The following MME variants were observed in gnomAD, a reference collection of about 807,000 sequenced individuals.
MME encodes the protein neprilysin.
Under a neutral mutation model 113.2 loss-of-function variants are expected in MME, and 98 were observed. The ratio of observed to expected loss-of-function variants is 0.87; its 90% CI spans 0.74 to 1.02. MME has a LOEUF of 1.02. Among genes scored for constraint, MME ranks in the 50% least tolerant of loss-of-function variants. The pLI is 0.00. For synonymous variants in MME, 292 were observed against 300.6 expected (o/e 0.97, Z 0.30); for missense variants, 836 against 896.0 (o/e 0.93, Z 0.86).
intron 10 of MME, among the ~76,000 whole-genome samples, chr3:155,140,604 ATGAGGTT>A (rs1019203200): frequency 1.6e-4 from 25 of 151,750 alleles, no homozygotes; most frequent in Non-Finnish European, 2.4e-4. Context: ...TTTAGTAGAG[ATGAGGTT>A]TGGCCAATCT....
intron 1 of MME, among the ~76,000 whole-genome samples, chr3:155,048,223 C>T (rs1713630611): frequency 3.9e-5 from 6 of 152,140 alleles, no homozygotes; most frequent in Admixed American, 3.9e-4. Context: ...CTAAGAATTT[C>T]CCCCTAACTC....
At chr3:155,090,677 G>T (rs528211790) in intron 3 of MME, among the ~76,000 whole-genome samples, 2 of 152,136 alleles carry the variant, frequency 1.3e-5, no homozygotes, top group Non-Finnish European at 2.9e-5. Context: ...CATATGAGTT[G>T]TCTGTTTCTG....
At chr3:155,063,679 T>G (rs965526115) in intron 1 of MME, among the ~76,000 whole-genome samples, 2 of 124,210 alleles carry the variant, frequency 1.6e-5, no homozygotes, top group Non-Finnish European at 3.3e-5. Flanking sequence ...TATATTATAT[T>G]ATATTATATT....
chr3:155,039,462 G>T (rs913369357), intron 1 of MME, among the ~76,000 whole-genome samples: 1 of 152,112 alleles, frequency 6.6e-6, no homozygotes, highest in African/African-American at 2.4e-5. Flanking sequence ...ATTTAACTGA[G>T]ATTCAGTCAG....
At chr3:155,161,354 G>T (rs764029007) in intron 17 of MME, among the ~76,000 whole-genome samples, 13 of 152,028 alleles carry the variant, frequency 8.6e-5, no homozygotes, top group Non-Finnish European at 1.8e-4. Context: ...TCTAAACGTG[G>T]TCTAGAATTA....
intron 10 of MME, 109 bp from the exon 11 acceptor site, chr3:155,141,882 G>A: frequency 8.5e-7 from 1 of 1,170,398 alleles, no homozygotes; most frequent in Non-Finnish European, 1.2e-6. Flanking sequence ...AATTGAGGAA[G>A]AATCCCAAGT....
chr3:155,063,635 G>GATTATATATTATATTTGATTATATAACAT (rs1714264150), intron 1 of MME, among the ~76,000 whole-genome samples: 1 of 111,402 alleles, frequency 9.0e-6, no homozygotes, highest in East Asian at 2.5e-4. Flanking sequence ...TATTATATTT[G>GATTATATATTATATTTGATTATATAACAT]ATTATATATT....
At chr3:155,056,676 C>A (rs1713940944) in intron 1 of MME, among the ~76,000 whole-genome samples, 1 of 151,962 alleles carries the variant, frequency 6.6e-6, no homozygotes, top group African/African-American at 2.4e-5. Flanking sequence ...GATTTATAGT[C>A]CTTTGGGGAT....
chr3:155,142,445 CA>C, intron 12 of MME, 115 bp downstream of exon 12: 1 of 805,046 alleles, frequency 1.2e-6, no homozygotes, highest in South Asian at 1.5e-5. Flanking sequence ...GACAAAATGC[CA>C]AAGTTCGTTA....
intron 1 of MME, among the ~76,000 whole-genome samples, chr3:155,050,524 T>C (rs1348187157): frequency 6.6e-6 from 1 of 152,226 alleles, no homozygotes; most frequent in Non-Finnish European, 1.5e-5. Context: ...ATAACCATTC[T>C]GACTCACGTG....
At chr3:155,159,720 T>A (rs1722576674) in intron 16 of MME, among the ~76,000 whole-genome samples, 1 of 151,932 alleles carries the variant, frequency 6.6e-6, no homozygotes, top group South Asian at 2.1e-4. Flanking sequence ...TTTTATAAAA[T>A]CTCTGGGTTC....
At chr3:155,178,850 C>T (rs758086429) in intron 22 of MME, among the ~76,000 whole-genome samples, 5 of 152,104 alleles carry the variant, frequency 3.3e-5, no homozygotes, top group Non-Finnish European at 5.9e-5. Flanking sequence ...TAAGTCCATA[C>T]GTTCAGTAGA....
intron 1 of MME, among the ~76,000 whole-genome samples, chr3:155,043,601 G>A (rs1178446025): frequency 2.6e-5 from 4 of 151,850 alleles, no homozygotes; most frequent in African/African-American, 4.8e-5. Context: ...CGAAGTGCTG[G>A]GATTACAGGT....
At chr3:155,102,370 G>C (rs542230684) in intron 3 of MME, among the ~76,000 whole-genome samples, 3 of 152,190 alleles carry the variant, frequency 2.0e-5, no homozygotes, top group Non-Finnish European at 4.4e-5. Flanking sequence ...TATTGCTTTT[G>C]TATTCTATGG....
chr3:155,142,998 A>G (rs1721232503), intron 12 of MME, among the ~76,000 whole-genome samples: 1 of 152,094 alleles, frequency 6.6e-6, no homozygotes, highest in South Asian at 2.1e-4. Context: ...AATCTCCCTT[A>G]CTTAGGTTAT....
intron 1 of MME, among the ~76,000 whole-genome samples, chr3:155,069,550 G>A (rs1272440443): frequency 6.6e-6 from 1 of 152,072 alleles, no homozygotes; most frequent in Non-Finnish European, 1.5e-5. Flanking sequence ...CTTTTTCTTT[G>A]AGACACCTTC....
chr3:155,033,948 C>T (rs570882565), intron 1 of MME, among the ~76,000 whole-genome samples: 1 of 152,266 alleles, frequency 6.6e-6, no homozygotes, highest in South Asian at 2.1e-4. Context: ...GGAGACATTC[C>T]TTAAACCTAA....
intron 1 of MME, among the ~76,000 whole-genome samples, chr3:155,042,920 A>ATATATATATATATG (rs1559890080): frequency 7.2e-4 from 43 of 59,902 alleles, no homozygotes; most frequent in Admixed American, 1.4e-3. Context: ...ATATATATAT[A>ATATATATATATATG]TATATATATA....
At chr3:155,058,837 G>A (rs920627789) in intron 1 of MME, among the ~76,000 whole-genome samples, 1 of 152,160 alleles carries the variant, frequency 6.6e-6, no homozygotes, top group Admixed American at 6.5e-5. Flanking sequence ...TCATGAAGAA[G>A]AAGAATCTGT....
Sources: gnomAD v4.1 joint callset for allele counts (sites outside exome capture counted in the v4.1 genomes callset) on GRCh38, gnomAD v4.1.1 for gene constraint, MANE v1.5 for transcripts, NCBI Gene and HGNC (gene_info 2026-07-23, HGNC 2026-07-21) for gene names.